CREBBP: variants seen among roughly 807,000 people sequenced by gnomAD.
The protein encoded by CREBBP is CREB-binding protein.
Under a neutral mutation model 265.0 loss-of-function variants are expected in CREBBP, and 19 were observed. That is an observed-to-expected ratio of 0.07 (90% CI 0.05 to 0.11). The LOEUF is 0.11. Ranked by LOEUF, CREBBP falls within the 10% of genes least tolerant of loss-of-function variation. The pLI is 1.00. For missense variants in CREBBP, 2,525 were observed against 3,219.0 expected (o/e 0.78, Z 5.22); for synonymous variants, 1,457 against 1,223.7 (o/e 1.19, Z -3.98).
At position 3,812,084 on chromosome 16, in the gene CREBBP, C is replaced by T. The variant is rs375610119; in HGVS notation, c.799-1305G>A. Among the ~76,000 whole-genome samples, 52 of 152,072 alleles carry T rather than the reference C, an allele frequency of 3.4e-4. 1 individual carries two copies. The South Asian group carries it at 0.01, about 30-fold the overall frequency. ...AGGAAAAGGGCATAGATGGAGAGAG[C>T]CTGGTAAGGTACTGATAATCACTAA... On this transcript the variant is annotated intron_variant, in intron 2 of 30. Coordinates refer to ENST00000262367, the MANE Select transcript of CREBBP (RefSeq NM_004380.3).
Position 3,727,206 on chromosome 16 carries a change from C to T in CREBBP, c.*512G>A, listed in dbSNP as rs541266610. 6 of 249,328 alleles carry T rather than the reference C, an allele frequency of 2.4e-5. No homozygotes were observed. The highest frequency in any genetic ancestry group is 3.9e-5 in the Non-Finnish European group (5 of 128,548). The allele number at this position is 249,328 out of a possible 1,614,324, so 15.4% of individuals were successfully genotyped here. On this transcript the variant is annotated 3_prime_UTR_variant, in exon 31 of 31. Coordinates refer to ENST00000262367, the MANE Select transcript of CREBBP (RefSeq NM_004380.3). ...TATCATCCAGGGTAATACTGGGAGA[C>T]GCCCACAGAGTTCACTATAGAAAAA...
chr16:3,850,780 C>T lies in CREBBP; in HGVS notation c.315G>A (p.Gly105=), dbSNP rs2141495134. Residue 105 remains glycine, a synonymous_variant, in exon 2 of 31, where the codon GGG becomes GGA. Transcript: ENST00000262367. ...VQQGLGGQAQ[G]QPNSANMASL... ...TGGCCATGTTAGCACTGTTCGGCTG[C>T]CCTTGAGCCTGGCCACCCAGGCCCT... 2 of 1,614,060 alleles carry T rather than the reference C, an allele frequency of 1.2e-6. No homozygotes were observed.
intron 26 of CREBBP, 140 bp from the exon 27 acceptor site, chr16:3,736,955 T>A (rs1010104143): frequency 4.2e-5 from 45 of 1,074,848 alleles, no homozygotes; most frequent in Non-Finnish European, 5.9e-5. Context: ...CAAAGCTGGG[T>A]GTGGTGGGGG....
intron 2 of CREBBP, among the ~76,000 whole-genome samples, chr16:3,820,954 T>C (rs1220018059): frequency 6.6e-6 from 1 of 152,086 alleles, no homozygotes; most frequent in Non-Finnish European, 1.5e-5. Flanking sequence ...CCTAATACTA[T>C]TGGTACACCT....
At chr16:3,860,428 T>C (rs775985934) in intron 1 of CREBBP, among the ~76,000 whole-genome samples, 1 of 152,094 alleles carries the variant, frequency 6.6e-6, no homozygotes, top group Non-Finnish European at 1.5e-5. Flanking sequence ...CACTGTAGCC[T>C]CAAACTCCTA....
At position 3,810,624 on chromosome 16, in the gene CREBBP, T is replaced by G. The variant is rs1198510226; in HGVS notation, c.954A>C (p.Ser318=). The G allele has an allele frequency of 6.2e-7, 1 of 1,613,784 alleles. No homozygotes were observed. The highest frequency in any genetic ancestry group is 1.1e-5 in the South Asian group (1 of 91,034). Residue 318 remains serine (S), a synonymous_variant, in exon 3 of 31, where the codon TCA becomes TCC. Coordinates refer to ENST00000262367, the MANE Select transcript of CREBBP (RefSeq NM_004380.3). ...TTACCATATTTGGCACGTTGGTGAC[T>G]GAAGTATTCTTGATATCTGTAGGGA... is the stretch of plus-strand genomic sequence containing the variant. ...PTFPTDIKNT[S]VTNVPNMSQM...
chr16:3,767,984 T>TA, intron 15 of CREBBP, 75 bp from the exon 16 acceptor site: 1 of 1,424,948 alleles, frequency 7.0e-7, no homozygotes, highest in South Asian at 1.1e-5. Context: ...GGAAGACTCT[T>TA]ACAAGCCTAA....
intron 13 of CREBBP, among the ~76,000 whole-genome samples, chr16:3,772,247 A>C (rs930159117): frequency 1.3e-5 from 2 of 151,946 alleles, no homozygotes; most frequent in Non-Finnish European, 2.9e-5. Context: ...ATAAGAATAA[A>C]AGTTATTGAC....
chr16:3,796,095 T>C (rs1490431554), intron 3 of CREBBP, among the ~76,000 whole-genome samples: 2 of 152,170 alleles, frequency 1.3e-5, no homozygotes, highest in African/African-American at 2.4e-5. Context: ...GACCACACAG[T>C]TGTCCTCTCA....
At chr16:3,800,454 T>A (rs1407545652) in intron 3 of CREBBP, among the ~76,000 whole-genome samples, 1 of 152,118 alleles carries the variant, frequency 6.6e-6, no homozygotes, top group Admixed American at 6.5e-5. Context: ...GATCCTCTCA[T>A]TTTTCCCCTA....
intron 2 of CREBBP, chr16:3,813,187 T>C (rs2053970196): frequency 4.4e-6 from 1 of 228,748 alleles, no homozygotes; most frequent in African/African-American, 2.2e-5. Context: ...GTGCATTTCA[T>C]ACGCAGGTGA....
intron 16 of CREBBP, among the ~76,000 whole-genome samples, chr16:3,767,084 A>C (rs889783490): frequency 6.6e-6 from 1 of 152,128 alleles, no homozygotes; most frequent in African/African-American, 2.4e-5. Context: ...CAATTTTCTG[A>C]TACCCTGTTA....
At chr16:3,757,149 C>T (rs1240982075) in intron 19 of CREBBP, 139 bp downstream of exon 19, 56 of 728,296 alleles carry the variant, frequency 7.7e-5, no homozygotes, top group South Asian at 7.2e-4. Flanking sequence ...GCTGGGATTA[C>T]AGGCGTGAGC....
intron 2 of CREBBP, among the ~76,000 whole-genome samples, chr16:3,832,426 G>A (rs144532740): frequency 1.3e-4 from 20 of 152,208 alleles, no homozygotes; most frequent in Admixed American, 2.6e-4. Context: ...ATCATGCTTC[G>A]CCCAAAGACA....
intron 2 of CREBBP, among the ~76,000 whole-genome samples, chr16:3,824,108 A>C (rs1458289002): frequency 2.6e-5 from 4 of 152,232 alleles, no homozygotes; most frequent in African/African-American, 9.6e-5. Context: ...AGCCACAAGG[A>C]AATCAGACAT....
intron 23 of CREBBP, 171 bp from the exon 24 acceptor site, chr16:3,740,720 G>A (rs2052182649): frequency 1.2e-6 from 1 of 819,708 alleles, no homozygotes; most frequent in African/African-American, 1.7e-5. Flanking sequence ...GTTATATAAA[G>A]GAAAGGTGGA....
chr16:3,839,342 A>C (rs2054518881), intron 2 of CREBBP, among the ~76,000 whole-genome samples: 1 of 152,180 alleles, frequency 6.6e-6, no homozygotes, highest in South Asian at 2.1e-4. Flanking sequence ...GTGTCAATCC[A>C]TTTAATATAC....
At chr16:3,841,759 C>T in intron 2 of CREBBP, among the ~76,000 whole-genome samples, 1 of 152,148 alleles carries the variant, frequency 6.6e-6, no homozygotes, top group East Asian at 1.9e-4. Context: ...TCTGCTAATC[C>T]ATTCCTTTAG....
At chr16:3,859,989 G>A (rs1301953546) in intron 1 of CREBBP, among the ~76,000 whole-genome samples, 2 of 152,114 alleles carry the variant, frequency 1.3e-5, no homozygotes, top group East Asian at 3.8e-4. Context: ...AGAAGCACAG[G>A]TAAAACAACT....
Sources: allele counts gnomAD v4.1 joint callset (sites outside exome capture counted in the v4.1 genomes callset), GRCh38; gene constraint gnomAD v4.1.1; transcripts MANE v1.5; gene names NCBI Gene and HGNC (gene_info 2026-07-23, HGNC 2026-07-21).